The following MYL11 variants were observed in gnomAD, a reference collection of about 807,000 sequenced individuals.
MYL11 encodes the protein myosin light chain 11.
the MYL11 span, among the ~76,000 whole-genome samples, chr16:30,377,118 C>T: frequency 6.6e-6 from 1 of 151,984 alleles, no homozygotes; most frequent in African/African-American, 2.4e-5. Flanking sequence ...GAGACTGGGA[C>T]ATGAGAATCG....
At chr16:30,374,315 A>T in the MYL11 span, among the ~76,000 whole-genome samples, 1 of 142,290 alleles carries the variant, frequency 7.0e-6, no homozygotes, top group Non-Finnish European at 1.5e-5. Flanking sequence ...AGACTGTCTA[A>T]AAAAAAAAAA....
chr16:30,373,752 G>A, the MYL11 span, among the ~76,000 whole-genome samples: 2 of 143,368 alleles, frequency 1.4e-5, no homozygotes, highest in African/African-American at 5.2e-5. Context: ...ACAAGAGCAA[G>A]ACTCCATCTC....
the MYL11 span, chr16:30,377,823 C>G: frequency 6.2e-7 from 1 of 1,614,144 alleles, no homozygotes; most frequent in East Asian, 2.2e-5. Context: ...GGCCTTCCCC[C>G]CCGACGTGGG....
the MYL11 span, chr16:30,375,779 G>C: frequency 6.5e-7 from 1 of 1,534,514 alleles, no homozygotes. Flanking sequence ...GAGGTGGAGG[G>C]ACTGGTCCAT....
At chr16:30,376,407 C>A in the MYL11 span, 1 of 1,608,048 alleles carries the variant, frequency 6.2e-7, no homozygotes, top group Non-Finnish European at 8.5e-7. Context: ...CCCATGCTTC[C>A]CCCAACCCCC....
chr16:30,374,871 A>G, the MYL11 span: 1 of 1,613,408 alleles, frequency 6.2e-7, no homozygotes. Context: ...GTGAGTGAGA[A>G]TCCTCCAACC....
the MYL11 span, chr16:30,377,820 C>T: frequency 6.2e-7 from 1 of 1,614,110 alleles, no homozygotes; most frequent in Non-Finnish European, 8.5e-7. Flanking sequence ...GGCGGCCTTC[C>T]CCCCCGACGT....
the MYL11 span, among the ~76,000 whole-genome samples, chr16:30,371,865 C>T: frequency 2.0e-5 from 3 of 152,098 alleles, no homozygotes; most frequent in Non-Finnish European, 4.4e-5. Context: ...AAAGACCTGA[C>T]GTTATGAGCT....
chr16:30,377,714 C>A, the MYL11 span: 1 of 1,579,456 alleles, frequency 6.3e-7, no homozygotes, highest in East Asian at 2.3e-5. Context: ...TGAGTGGGGA[C>A]CGGGGCGGGG....
the MYL11 span, among the ~76,000 whole-genome samples, chr16:30,377,378 G>C: frequency 2.0e-5 from 3 of 152,102 alleles, no homozygotes; most frequent in Non-Finnish European, 4.4e-5. Context: ...GTGAGACCCT[G>C]TCTCAAAACA....
At chr16:30,374,612 G>T in the MYL11 span, among the ~76,000 whole-genome samples, 1 of 152,222 alleles carries the variant, frequency 6.6e-6, no homozygotes, top group Non-Finnish European at 1.5e-5. Flanking sequence ...AGTGAGACAT[G>T]CATCGCAAGA....
At chr16:30,374,713 G>A in the MYL11 span, 19 of 998,158 alleles carry the variant, frequency 1.9e-5, no homozygotes, top group Admixed American at 3.3e-5. Flanking sequence ...TGGTATCTGG[G>A]GTGGGCACCC....
At chr16:30,374,730 C>A in the MYL11 span, 2 of 1,272,862 alleles carry the variant, frequency 1.6e-6, no homozygotes. Context: ...ACCCGCAGGG[C>A]TAAGGTTACC....
chr16:30,376,540 T>C, the MYL11 span: 2 of 1,613,818 alleles, frequency 1.2e-6, no homozygotes, highest in Non-Finnish European at 1.7e-6. Flanking sequence ...GAGTGGAGTG[T>C]CCTGGGTCCA....
chr16:30,376,718 C>G, the MYL11 span: 1 of 1,604,190 alleles, frequency 6.2e-7, no homozygotes, highest in Non-Finnish European at 8.5e-7. Flanking sequence ...GGCTCCCCCA[C>G]CCTTCCGACC....
At chr16:30,376,303 C>A in the MYL11 span, 1 of 1,561,708 alleles carries the variant, frequency 6.4e-7, no homozygotes, top group Non-Finnish European at 8.8e-7. Flanking sequence ...GCCCTGTCAG[C>A]TCCACCTTGG....
At chr16:30,376,475 C>T in the MYL11 span, 133 of 1,613,974 alleles carry the variant, frequency 8.2e-5, no homozygotes, top group African/African-American at 8.9e-4. Context: ...AGGAAGCCAG[C>T]GGTCCCATCA....
the MYL11 span, among the ~76,000 whole-genome samples, chr16:30,375,231 C>T: frequency 1.3e-5 from 2 of 152,062 alleles, no homozygotes; most frequent in Admixed American, 1.3e-4. Flanking sequence ...TTTGGGAGGC[C>T]AAGGTGGTTG....
chr16:30,377,519 C>A, the MYL11 span: 1 of 880,598 alleles, frequency 1.1e-6, no homozygotes, highest in Non-Finnish European at 1.6e-6. Flanking sequence ...AAGCGAGTGT[C>A]TGGGAGGCCA....
Sources: gnomAD v4.1 joint callset for allele counts (sites outside exome capture counted in the v4.1 genomes callset) on GRCh38, gnomAD v4.1.1 for gene constraint, MANE v1.5 for transcripts, NCBI Gene and HGNC (gene_info 2026-07-23, HGNC 2026-07-21) for gene names.